CADM2: variants seen among roughly 807,000 people sequenced by gnomAD.
CADM2 encodes the protein cell adhesion molecule 2.
Under a neutral mutation model 49.8 loss-of-function variants are expected in CADM2, and 12 were observed. The ratio of observed to expected loss-of-function variants is 0.24; its 90% CI spans 0.15 to 0.39. The LOEUF (loss-of-function observed/expected upper bound fraction) is 0.39, where lower values mean the gene tolerates loss of function less well. Ranked by LOEUF, CADM2 falls within the 10% of genes least tolerant of loss-of-function variation. CADM2 has a pLI of 1.00. For missense variants in CADM2, 378 were observed against 492.3 expected, an observed-to-expected ratio of 0.77 and a Z score of 2.20; for synonymous variants, 214 against 175.4, an observed-to-expected ratio of 1.22 and a Z score of -1.74.
chr3:85,684,774 G>T (rs1314857635), intron 1 of CADM2, among the ~76,000 whole-genome samples: 2 of 152,132 alleles, frequency 1.3e-5, no homozygotes, highest in Non-Finnish European at 2.9e-5. Context: ...ACTGCTAAGA[G>T]AACTGTACTG....
chr3:85,753,940 G>T (rs1266306112), intron 2 of CADM2, among the ~76,000 whole-genome samples: 1 of 152,116 alleles, frequency 6.6e-6, no homozygotes, highest in East Asian at 1.9e-4. Flanking sequence ...CAAGTGTGTG[G>T]CTTGACCTTT....
chr3:85,650,155 G>C (rs961995582), intron 1 of CADM2, among the ~76,000 whole-genome samples: 1 of 152,064 alleles, frequency 6.6e-6, no homozygotes, highest in Admixed American at 6.5e-5. Flanking sequence ...AGAGGGCTAC[G>C]TTCTCAGCCG....
At chr3:85,304,168 C>T (rs1411094271) in intron 1 of CADM2, among the ~76,000 whole-genome samples, 2 of 151,726 alleles carry the variant, frequency 1.3e-5, no homozygotes, top group Admixed American at 6.6e-5. Context: ...TTCTAAGAAA[C>T]ATGAAAAATA....
intron 2 of CADM2, among the ~76,000 whole-genome samples, chr3:85,735,711 T>A (rs1456979551): frequency 6.6e-6 from 1 of 152,102 alleles, no homozygotes; most frequent in Admixed American, 6.6e-5. Flanking sequence ...AAGTAGGACA[T>A]GATATAGAGA....
intron 1 of CADM2, among the ~76,000 whole-genome samples, chr3:85,323,458 G>C (rs892106451): frequency 6.6e-6 from 1 of 151,954 alleles, no homozygotes; most frequent in Non-Finnish European, 1.5e-5. Flanking sequence ...TGTTATTATG[G>C]TGTTCCTCCA....
At chr3:85,321,334 A>G (rs1461243133) in intron 1 of CADM2, among the ~76,000 whole-genome samples, 1 of 149,822 alleles carries the variant, frequency 6.7e-6, no homozygotes, top group Middle Eastern at 3.2e-3. Flanking sequence ...CACTGTGTCT[A>G]ATTTATTCAT....
intron 1 of CADM2, among the ~76,000 whole-genome samples, chr3:85,184,611 G>A (rs555142367): frequency 6.6e-6 from 1 of 152,036 alleles, no homozygotes; most frequent in Admixed American, 6.6e-5. Context: ...GAGACATGTC[G>A]ATAAGGAATG....
At chr3:85,699,471 A>G (rs1164283938) in intron 1 of CADM2, among the ~76,000 whole-genome samples, 1 of 152,234 alleles carries the variant, frequency 6.6e-6, no homozygotes, top group African/African-American at 2.4e-5. Flanking sequence ...ATAAATCCTA[A>G]GACATCTAGG....
At chr3:85,263,710 T>C (rs2043062626) in intron 1 of CADM2, among the ~76,000 whole-genome samples, 1 of 152,114 alleles carries the variant, frequency 6.6e-6, no homozygotes, top group African/African-American at 2.4e-5. Context: ...ATTACATCAA[T>C]ATCAACCTCT....
chr3:85,900,633 A>G (rs975114695), intron 5 of CADM2, among the ~76,000 whole-genome samples: 2 of 152,172 alleles, frequency 1.3e-5, no homozygotes, highest in African/African-American at 4.8e-5. Flanking sequence ...TAATCAACGT[A>G]TTTAATTTAA....
intron 8 of CADM2, among the ~76,000 whole-genome samples, chr3:86,016,394 T>A (rs1277924971): frequency 6.6e-6 from 1 of 152,202 alleles, no homozygotes; most frequent in Non-Finnish European, 1.5e-5. Flanking sequence ...GATAAGAGAA[T>A]AAGAGAAAAT....
intron 1 of CADM2, among the ~76,000 whole-genome samples, chr3:85,076,961 G>GCCTGGGC (rs1201467605): frequency 6.6e-6 from 1 of 152,126 alleles, no homozygotes; most frequent in East Asian, 1.9e-4. Flanking sequence ...ACCAGAGAGA[G>GCCTGGGC]ACTCCGTCTC....
At chr3:85,112,950 G>A (rs960815056) in intron 1 of CADM2, among the ~76,000 whole-genome samples, 48 of 151,582 alleles carry the variant, frequency 3.2e-4, no homozygotes, top group African/African-American at 1.1e-3. Context: ...TTATATTTAT[G>A]CATTGCATAT....
chr3:84,972,713 G>T (rs1369669613), intron 1 of CADM2, among the ~76,000 whole-genome samples: 1 of 152,094 alleles, frequency 6.6e-6, no homozygotes, highest in East Asian at 1.9e-4. Flanking sequence ...TTGGTTTTCT[G>T]AAGCATAACT....
Position 85,267,435 on chromosome 3 carries a change from C to T in CADM2, c.61+307767C>T, listed in dbSNP as rs1254781659. On this transcript the variant is annotated intron_variant, in intron 1 of 9. Transcript: ENST00000383699. ...AACTCTCCATGTCACTGCCTTATATCCTTCAGATAGTTACTCAAATGTCAT... is the reference window on the plus strand; with the variant it reads ...AACTCTCCATGTCACTGCCTTATATTCTTCAGATAGTTACTCAAATGTCAT... Among the ~76,000 whole-genome samples, 6 of 151,754 alleles carry T rather than the reference C, an allele frequency of 4.0e-5. No homozygotes were observed. The East Asian group carries it at 1.2e-3, about 29-fold the overall frequency.
At chr3:85,908,223 A>G (rs1332708711) in intron 5 of CADM2, among the ~76,000 whole-genome samples, 1 of 150,492 alleles carries the variant, frequency 6.6e-6, no homozygotes, top group East Asian at 2.0e-4. Context: ...GGATGCAAGA[A>G]AATCAAGATA....
At chr3:85,435,791 G>A (rs1174442564) in intron 1 of CADM2, among the ~76,000 whole-genome samples, 2 of 152,028 alleles carry the variant, frequency 1.3e-5, no homozygotes, top group Non-Finnish European at 2.9e-5. Context: ...TTTTCCATAT[G>A]TTTTTTGGCC....
At chr3:85,744,748 G>A (rs1244514501) in intron 2 of CADM2, among the ~76,000 whole-genome samples, 2 of 151,986 alleles carry the variant, frequency 1.3e-5, no homozygotes, top group African/African-American at 4.8e-5. Context: ...GAAGAAGATG[G>A]AGGCCAGGAT....
At chr3:85,389,096 G>A (rs774400552) in intron 1 of CADM2, among the ~76,000 whole-genome samples, 8 of 151,924 alleles carry the variant, frequency 5.3e-5, no homozygotes, top group Admixed American at 1.3e-4. Flanking sequence ...TTAAAGTAAC[G>A]TTTTGTGATG....
Sources: allele counts gnomAD v4.1 joint callset (sites outside exome capture counted in the v4.1 genomes callset), GRCh38; gene constraint gnomAD v4.1.1; transcripts MANE v1.5; gene names NCBI Gene and HGNC (gene_info 2026-07-23, HGNC 2026-07-21).